MSI2: variants seen among roughly 807,000 people sequenced by gnomAD.
MSI2 encodes the protein RNA-binding protein Musashi homolog 2.
Under a neutral mutation model 45.6 loss-of-function variants are expected in MSI2, and 17 were observed. That is an observed-to-expected ratio of 0.37 (90% CI 0.26 to 0.56). MSI2 has a LOEUF of 0.56. Ranked by LOEUF, MSI2 falls within the 20% of genes least tolerant of loss-of-function variation. The probability of loss-of-function intolerance (pLI) is 0.77; values close to 1 mark genes in which losing one functional copy is unlikely to be tolerated. For synonymous variants in MSI2, 156 were observed against 158.2 expected (o/e 0.99, Z 0.11); for missense variants, 293 against 444.2 (o/e 0.66, Z 3.06).
chr17:57,508,925 C>A (rs920175524), intron 6 of MSI2, among the ~76,000 whole-genome samples: 3 of 152,148 alleles, frequency 2.0e-5, no homozygotes, highest in African/African-American at 7.2e-5. Flanking sequence ...GAATAGAGTC[C>A]TCAAGTCCTA....
At chr17:57,631,868 C>T (rs764629180) in intron 10 of MSI2, 2 of 1,609,518 alleles carry the variant, frequency 1.2e-6, no homozygotes, top group East Asian at 2.2e-5. Context: ...GGGTTGCTAC[C>T]ATTTCTAGAG....
intron 7 of MSI2, among the ~76,000 whole-genome samples, chr17:57,540,265 T>C (rs1298913455): frequency 6.6e-6 from 1 of 152,150 alleles, no homozygotes; most frequent in Non-Finnish European, 1.5e-5. Context: ...ATTATCATAT[T>C]AATTATTGTT....
chr17:57,588,036 G>A (rs947335067), intron 7 of MSI2, among the ~76,000 whole-genome samples: 5 of 152,152 alleles, frequency 3.3e-5, no homozygotes, highest in Non-Finnish European at 1.5e-5. Flanking sequence ...CACCCTAGAG[G>A]GGACGGAGAC....
chr17:57,597,860 A>G (rs1047562767), intron 8 of MSI2, among the ~76,000 whole-genome samples: 1 of 152,150 alleles, frequency 6.6e-6, no homozygotes, highest in African/African-American at 2.4e-5. Context: ...CTTGCCATCA[A>G]TTAATTTCTG....
intron 6 of MSI2, among the ~76,000 whole-genome samples, chr17:57,506,683 G>A (rs537013111): frequency 2.6e-5 from 4 of 152,292 alleles, no homozygotes; most frequent in African/African-American, 4.8e-5. Flanking sequence ...TTCCAGAACC[G>A]TTCAAACATC....
At chr17:57,307,006 G>GACTT (rs1911978200) in intron 5 of MSI2, among the ~76,000 whole-genome samples, 1 of 152,214 alleles carries the variant, frequency 6.6e-6, no homozygotes. Flanking sequence ...TTTACATGAG[G>GACTT]ACTTGGTCTT....
chr17:57,297,834 T>C (rs1911114024), intron 5 of MSI2, among the ~76,000 whole-genome samples: 1 of 152,218 alleles, frequency 6.6e-6, no homozygotes, highest in Non-Finnish European at 1.5e-5. Context: ...AAGAAATTAC[T>C]TTCTTTGCTC....
intron 6 of MSI2, among the ~76,000 whole-genome samples, chr17:57,485,902 G>C (rs1430669359): frequency 6.6e-6 from 1 of 152,170 alleles, no homozygotes; most frequent in Non-Finnish European, 1.5e-5. Flanking sequence ...CTGCACCTGT[G>C]TTCTGAGCCC....
chr17:57,622,121 C>T (rs141700571), intron 9 of MSI2, among the ~76,000 whole-genome samples: 10 of 152,304 alleles, frequency 6.6e-5, no homozygotes, highest in Admixed American at 1.3e-4. Flanking sequence ...ATCTTGAACC[C>T]GGGAGGCTGA....
At chr17:57,464,148 G>C (rs1321169323) in intron 6 of MSI2, among the ~76,000 whole-genome samples, 1 of 151,994 alleles carries the variant, frequency 6.6e-6, no homozygotes, top group Non-Finnish European at 1.5e-5. Flanking sequence ...TGACCTGGAG[G>C]TAGAAAAAGA....
intron 5 of MSI2, among the ~76,000 whole-genome samples, chr17:57,364,577 G>T (rs1917051181): frequency 6.6e-6 from 1 of 152,146 alleles, no homozygotes; most frequent in South Asian, 2.1e-4. Context: ...TCTCTAATGG[G>T]CTTGTGTTTA....
chr17:57,434,450 T>G (rs11659021), intron 6 of MSI2, among the ~76,000 whole-genome samples: 7 of 152,102 alleles, frequency 4.6e-5, no homozygotes, highest in African/African-American at 1.7e-4. Flanking sequence ...CTATAGCCAC[T>G]ATGCTGTTCT....
At chr17:57,675,351 C>G (rs556202177) in intron 12 of MSI2, among the ~76,000 whole-genome samples, 2 of 152,304 alleles carry the variant, frequency 1.3e-5, no homozygotes, top group East Asian at 3.9e-4. Context: ...TGGGCAGGTC[C>G]GGTTCAGATC....
chr17:57,575,153 C>A (rs1050284092), intron 7 of MSI2, among the ~76,000 whole-genome samples: 1 of 138,546 alleles, frequency 7.2e-6, no homozygotes, highest in African/African-American at 2.8e-5. Flanking sequence ...TAACTCCCTC[C>A]CCCCGCCACC....
intron 7 of MSI2, among the ~76,000 whole-genome samples, chr17:57,564,289 C>T (rs962701630): frequency 2.6e-5 from 4 of 152,216 alleles, no homozygotes; most frequent in Non-Finnish European, 4.4e-5. Flanking sequence ...AATCAGGCAT[C>T]ACGTGACTCC....
chr17:57,428,065 C>T (rs997203347), intron 6 of MSI2, among the ~76,000 whole-genome samples: 2 of 152,126 alleles, frequency 1.3e-5, no homozygotes, highest in East Asian at 1.9e-4. Flanking sequence ...AGCAAGAAAA[C>T]GTGAGCAAAG....
chr17:57,360,152 G>A (rs1916721283), intron 5 of MSI2, among the ~76,000 whole-genome samples: 1 of 152,232 alleles, frequency 6.6e-6, no homozygotes. Context: ...GAAGCCAGAT[G>A]TCTGCAGCTA....
rs71140002 is a variant in MSI2, at chr17:57,507,225, C to CTGTGTG, written c.406-22401_406-22396dup. Among the ~76,000 whole-genome samples, 191 of 51,184 alleles carry CTGTGTG rather than the reference C, an allele frequency of 3.7e-3. 1 individual carries two copies. The highest frequency in any genetic ancestry group is 0.031 in the East Asian group (58 of 1,878). The allele number at this position is 51,184 out of a possible 152,430, so 33.6% of individuals were successfully genotyped here. A position where few individuals can be genotyped will look rare whatever the true frequency, so the allele number is the denominator to read the frequency against. On this transcript the variant is annotated intron_variant, in intron 6 of 13. Transcript: ENST00000284073. ...CCCATTGGTTTTTGTCTTTGTCTCT[C>CTGTGTG]TGTGTGTGTGTGTGTGTGTGTGTGT...
intron 6 of MSI2, among the ~76,000 whole-genome samples, chr17:57,434,123 G>A (rs1003152140): frequency 2.0e-5 from 3 of 151,928 alleles, no homozygotes; most frequent in Admixed American, 6.6e-5. Flanking sequence ...TTCTGGAGAC[G>A]GAGTCTTGCT....
Sources: allele counts gnomAD v4.1 joint callset (sites outside exome capture counted in the v4.1 genomes callset), GRCh38; gene constraint gnomAD v4.1.1; transcripts MANE v1.5; gene names NCBI Gene and HGNC (gene_info 2026-07-23, HGNC 2026-07-21).